KCNIP4: variants seen among roughly 807,000 people sequenced by gnomAD.
KCNIP4 encodes the protein Kv channel-interacting protein 4.
Under a neutral mutation model 34.0 loss-of-function variants are expected in KCNIP4, and 12 were observed. The ratio of observed to expected loss-of-function variants is 0.35; its 90% CI spans 0.23 to 0.57. The LOEUF (loss-of-function observed/expected upper bound fraction) is 0.57, where lower values mean the gene tolerates loss of function less well. Among genes scored for constraint, KCNIP4 ranks in the 20% least tolerant of loss-of-function variants. The pLI, the probability that KCNIP4 is intolerant of heterozygous loss-of-function variation, is 0.83. For missense variants in KCNIP4, 238 were observed against 311.7 expected, an observed-to-expected ratio of 0.76 and a Z score of 1.78; for synonymous variants, 124 against 102.2, an observed-to-expected ratio of 1.21 and a Z score of -1.29.
At chr4:21,519,706 GTA>G (rs1290730171) in intron 1 of KCNIP4, among the ~76,000 whole-genome samples, 5 of 138,276 alleles carry the variant, frequency 3.6e-5, no homozygotes, top group South Asian at 2.3e-4. Flanking sequence ...GTGTGTGTAT[GTA>G]TGTGTATATA....
intron 1 of KCNIP4, among the ~76,000 whole-genome samples, chr4:21,639,002 G>A (rs774862257): frequency 2.0e-5 from 3 of 152,148 alleles, no homozygotes; most frequent in African/African-American, 7.2e-5. Context: ...ATAATTATAT[G>A]AGACTTTGTC....
At chr4:21,507,810 A>G (rs1334890878) in intron 1 of KCNIP4, among the ~76,000 whole-genome samples, 1 of 152,210 alleles carries the variant, frequency 6.6e-6, no homozygotes, top group South Asian at 2.1e-4. Flanking sequence ...CAACATTAAG[A>G]AGCAAATACA....
At chr4:21,763,261 G>A (rs1560695993) in intron 1 of KCNIP4, among the ~76,000 whole-genome samples, 1 of 152,108 alleles carries the variant, frequency 6.6e-6, no homozygotes, top group Non-Finnish European at 1.5e-5. Flanking sequence ...TAACACAATA[G>A]GCACATGCCA....
At chr4:20,984,718 G>A (rs143093684) in intron 1 of KCNIP4, among the ~76,000 whole-genome samples, 1 of 152,298 alleles carries the variant, frequency 6.6e-6, no homozygotes, top group African/African-American at 2.4e-5. Context: ...AAAGGTGGAC[G>A]GAGGGCGTGG....
At chr4:21,587,918 T>C (rs1482531019) in intron 1 of KCNIP4, among the ~76,000 whole-genome samples, 3 of 152,058 alleles carry the variant, frequency 2.0e-5, no homozygotes, top group Non-Finnish European at 4.4e-5. Flanking sequence ...AGCACCTCCA[T>C]GTATAAAGAA....
intron 1 of KCNIP4, among the ~76,000 whole-genome samples, chr4:21,150,281 A>AGAGGAGGGAGTGATAGAGTTGGGTGATT (rs1752666444): frequency 3.8e-4 from 58 of 151,608 alleles, no homozygotes; most frequent in African/African-American, 1.2e-3. Context: ...TGGGAGTGTT[A>AGAGGAGGGAGTGATAGAGTTGGGTGATT]ATGAGGGTAA....
chr4:20,897,678 C>G (rs1396190456), intron 1 of KCNIP4, among the ~76,000 whole-genome samples: 1 of 152,148 alleles, frequency 6.6e-6, no homozygotes, highest in Non-Finnish European at 1.5e-5. Flanking sequence ...ACTGTGATGT[C>G]TAAGCCCAGA....
chr4:21,324,853 A>T (rs1038205540), intron 1 of KCNIP4, among the ~76,000 whole-genome samples: 2 of 151,924 alleles, frequency 1.3e-5, no homozygotes, highest in African/African-American at 4.8e-5. Context: ...TTTAGGTAGT[A>T]TGGACATTTT....
At chr4:21,081,006 CA>C (rs1309563006) in intron 1 of KCNIP4, among the ~76,000 whole-genome samples, 1 of 151,730 alleles carries the variant, frequency 6.6e-6, no homozygotes, top group African/African-American at 2.4e-5. Flanking sequence ...TCTAGATGTT[CA>C]ACTTTAATTT....
Position 21,243,707 on chromosome 4 carries a change from C to T in KCNIP4, c.62-360998G>A, listed in dbSNP as rs1237034283. ...AACACATAACCAAAATCAAGTTCCC[C>T]ATGTACTCTGGCTCTTCCATAGCTA... On this transcript the variant is annotated intron_variant, in intron 1 of 8. Coordinates refer to ENST00000382152, the MANE Select transcript of KCNIP4 (RefSeq NM_025221.6). 2.6e-5 allele frequency among the ~76,000 whole-genome samples: 4 copies of T among 152,176 alleles called. No homozygotes were observed. In the East Asian group the frequency reaches 5.8e-4, roughly 22 times the overall value.
At chr4:21,600,072 T>G (rs1232411411) in intron 1 of KCNIP4, among the ~76,000 whole-genome samples, 1 of 152,054 alleles carries the variant, frequency 6.6e-6, no homozygotes, top group African/African-American at 2.4e-5. Flanking sequence ...TCAAACTGCT[T>G]CTTTCTTCAT....
intron 1 of KCNIP4, among the ~76,000 whole-genome samples, chr4:21,427,270 C>T (rs1170788573): frequency 6.6e-6 from 1 of 151,394 alleles, no homozygotes; most frequent in African/African-American, 2.4e-5. Context: ...TATTGAGCAT[C>T]TACTATGAGC....
chr4:21,684,579 T>C (rs1401532958), intron 1 of KCNIP4, among the ~76,000 whole-genome samples: 1 of 152,150 alleles, frequency 6.6e-6, no homozygotes, highest in Non-Finnish European at 1.5e-5. Flanking sequence ...TACATGTTAT[T>C]GTAGTTTAAA....
intron 1 of KCNIP4, among the ~76,000 whole-genome samples, chr4:21,631,544 C>T (rs1472412244): frequency 1.3e-5 from 2 of 152,230 alleles, no homozygotes; most frequent in East Asian, 3.9e-4. Context: ...ATGCTATAAA[C>T]ACTTCAAAAA....
chr4:21,468,972 T>C (rs757207763), intron 1 of KCNIP4, among the ~76,000 whole-genome samples: 17 of 152,258 alleles, frequency 1.1e-4, no homozygotes, highest in African/African-American at 9.6e-5. Flanking sequence ...TCTAAACACA[T>C]ATTTAAAACA....
intron 1 of KCNIP4, among the ~76,000 whole-genome samples, chr4:21,337,455 A>G (rs1157205854): frequency 1.3e-5 from 2 of 152,152 alleles, no homozygotes; most frequent in Non-Finnish European, 2.9e-5. Flanking sequence ...AGAAAAAAGA[A>G]TGGAGTCTCC....
chr4:21,025,637 T>C (rs1740494095), intron 1 of KCNIP4, among the ~76,000 whole-genome samples: 1 of 131,954 alleles, frequency 7.6e-6, no homozygotes, highest in African/African-American at 2.8e-5. Context: ...CACTGCCAGC[T>C]CTGCCTCCCG....
chr4:20,991,476 T>C (rs1737079955), intron 1 of KCNIP4, among the ~76,000 whole-genome samples: 1 of 151,988 alleles, frequency 6.6e-6, no homozygotes, highest in African/African-American at 2.4e-5. Flanking sequence ...AAACAGGCAA[T>C]TCTTTACTCC....
intron 1 of KCNIP4, among the ~76,000 whole-genome samples, chr4:21,180,627 A>C (rs550305961): frequency 6.6e-6 from 1 of 151,536 alleles, no homozygotes; most frequent in East Asian, 1.9e-4. Flanking sequence ...ACTGTTGGCA[A>C]GTTGCAATGG....
Sources: gnomAD v4.1 joint callset for allele counts (sites outside exome capture counted in the v4.1 genomes callset) on GRCh38, gnomAD v4.1.1 for gene constraint, MANE v1.5 for transcripts, NCBI Gene and HGNC (gene_info 2026-07-23, HGNC 2026-07-21) for gene names.